The following HCN3 variants were observed in gnomAD, a reference collection of about 807,000 sequenced individuals.
HCN3 encodes the protein potassium/sodium hyperpolarization-activated cyclic nucleotide-gated channel 3.
A neutral mutation model predicts 56.8 loss-of-function variants in HCN3; 36 were observed. That is an observed-to-expected ratio of 0.63 (90% confidence interval 0.49 to 0.84). The LOEUF (loss-of-function observed/expected upper bound fraction) is 0.84. Among genes scored for constraint, HCN3 ranks in the 40% least tolerant of loss-of-function variants. The pLI is 0.00. For synonymous variants in HCN3, 425 were observed against 439.7 expected (o/e 0.97, Z 0.42); for missense variants, 930 against 1,079.3 (o/e 0.86, Z 1.94).
At chr1:155,287,644 C>T in intron 7 of HCN3, 137 bp from the exon 8 acceptor site, 1 of 1,156,870 alleles carries the variant, frequency 8.6e-7, no homozygotes, top group Non-Finnish European at 1.2e-6. Context: ...CCCCCATAGC[C>T]CCATTGCCAT....
intron 1 of HCN3, among the ~76,000 whole-genome samples, chr1:155,279,245 T>C (rs1019427797): frequency 2.0e-5 from 3 of 152,188 alleles, no homozygotes; most frequent in Non-Finnish European, 4.4e-5. Flanking sequence ...CATAGGTAAC[T>C]GAGTCCCTGA....
chr1:155,286,157 G>T (rs927986341), intron 6 of HCN3, among the ~76,000 whole-genome samples, 193 bp downstream of exon 6: 1 of 152,010 alleles, frequency 6.6e-6, no homozygotes, highest in African/African-American at 2.4e-5. Flanking sequence ...TTGTTTGTTT[G>T]TTTTTTGAGG....
At position 155,282,347 on chromosome 1, in the gene HCN3, C is replaced by T; in HGVS notation, c.279-64C>T. 1.3e-6 allele frequency: 2 copies of T among 1,486,988 alleles called. No homozygotes were observed. The highest frequency in any genetic ancestry group is 1.9e-6 in the Non-Finnish European group (2 of 1,074,620). The allele number at this position is 1,486,988 out of a possible 1,614,324, so 92.1% of individuals were successfully genotyped here. ...ATTCTTGGCCATGTCAGCCTATCTT[C>T]TGTCAGTCTAGTGGCTGGTGAAATA... On this transcript the variant is annotated intron_variant, in intron 1 of 7. Coordinates refer to ENST00000368358, the MANE Select transcript of HCN3 (RefSeq NM_020897.3). This position sits in a 1 kb window ranked among gnomAD's most constrained non-coding sequence, Gnocchi z 4.7.
chr1:155,285,432 G>A lies in HCN3; in HGVS notation c.1236+121G>A, dbSNP rs1674244081. 1 of 1,340,112 alleles carries A rather than the reference G, an allele frequency of 7.5e-7. No individual in the cohort carries two copies. Among genetic ancestry groups the A allele is most frequent in the African/African-American group, 1.5e-5 (1 of 67,936 alleles). 83.0% of individuals were successfully genotyped at this position (1,340,112 alleles called of 1,614,324 possible). On this transcript the variant is annotated intron_variant, in intron 5 of 7. Transcript: ENST00000368358. The surrounding 1 kb of genome is among the most constrained non-coding windows in gnomAD (Gnocchi z 4.5). ...ATGAGGCCTGCAGAGGGCCCCGTGG[G>A]AGGCCAGGTATTTGGGCTTTCAGGG...
Position 155,287,214 on chromosome 1 carries a change from C to T in HCN3, c.1519C>T (p.Arg507Trp), listed in dbSNP as rs746576195. The change falls in exon 7 of 8, where the codon CGG becomes TGG. Residue 507 changes from arginine (R) to tryptophan (W), a missense_variant. By Grantham distance (101) the Arg-to-Trp change is moderately radical (BLOSUM62 -3). Transcript: ENST00000368358. Reference protein sequence around the residue: ...LTRGRRTASVRADTYCRLYSL... With the variant: ...LTRGRRTASVWADTYCRLYSL... ...TAGGGGCCGGCGCACAGCCAGTGTT[C>T]GGGCTGACACCTACTGCCGCCTTTA... 1.1e-5 allele frequency: 18 copies of T among 1,613,820 alleles called. No homozygotes were observed. Among genetic ancestry groups the T allele is most frequent in the African/African-American group, 9.3e-5 (7 of 74,880 alleles).
intron 1 of HCN3, among the ~76,000 whole-genome samples, chr1:155,280,660 A>C (rs537864192): frequency 6.8e-6 from 1 of 146,850 alleles, no homozygotes. Flanking sequence ...GGATGGTCTC[A>C]ATCTCCTGAC....
At chr1:155,287,687 AC>A (rs1323298640) in intron 7 of HCN3, 93 bp from the exon 8 acceptor site, 1 of 1,446,638 alleles carries the variant, frequency 6.9e-7, no homozygotes, top group Non-Finnish European at 9.2e-7. Flanking sequence ...CCTCAACCCC[AC>A]CCCATCCTGA....
Position 155,288,321 on chromosome 1 carries a change from C to G in HCN3, c.2183C>G (p.Ser728Cys), listed in dbSNP as rs1674388191. 1 of 1,613,554 alleles carries G rather than the reference C, an allele frequency of 6.2e-7. No individual in the cohort carries two copies. The highest frequency in any genetic ancestry group is 1.7e-5 in the Admixed American group (1 of 60,002). ...SLPQRATGDGSPGRKGSGSER... is the reference protein window; with the variant it reads ...SLPQRATGDGCPGRKGSGSER... ...CCTCAGCGGGCAACAGGCGATGGCT[C>G]TCCTGGGCGTAAGGGATCAGGAAGT... is the stretch of plus-strand genomic sequence containing the variant. The change falls in exon 8 of 8, where the codon TCT (serine) becomes TGT (cysteine). Residue 728 changes from serine (S) to cysteine (C), a missense_variant. Ser to Cys is a moderately radical substitution (Grantham distance 112). Coordinates refer to ENST00000368358, the MANE Select transcript of HCN3 (RefSeq NM_020897.3). This position sits in a 1 kb window ranked among gnomAD's most constrained non-coding sequence, Gnocchi z 6.5.
chr1:155,285,407 A>G lies in HCN3; in HGVS notation c.1236+96A>G, dbSNP rs2148181848. 6.7e-7 allele frequency: 1 copy of G among 1,496,240 alleles called. No individual in the cohort carries two copies. The highest frequency in any genetic ancestry group is 1.4e-5 in the African/African-American group (1 of 72,150). The allele number at this position is 1,496,240 out of a possible 1,614,324, so 92.7% of individuals were successfully genotyped here. A position where few individuals can be genotyped will look rare whatever the true frequency, so the allele number is the denominator to read the frequency against. On this transcript the variant is annotated intron_variant, in intron 5 of 7. Coordinates refer to ENST00000368358, the MANE Select transcript of HCN3 (RefSeq NM_020897.3). This position sits in a 1 kb window ranked among gnomAD's most constrained non-coding sequence, Gnocchi z 4.5. ...TGGTCAGCAGGTGCTCCTATAGGGA[A>G]TGAGGCCTGCAGAGGGCCCCGTGGG...
Position 155,287,942 on chromosome 1 carries a change from C to T in HCN3, c.1804C>T (p.Leu602=), listed in dbSNP as rs749438103. 6.2e-7 allele frequency: 1 copy of T among 1,614,092 alleles called. No homozygotes were observed. Among genetic ancestry groups the T allele is most frequent in the South Asian group, 1.1e-5 (1 of 91,086 alleles). Residue 602 remains leucine (L), a synonymous_variant, in exon 8 of 8, where the codon CTG becomes TTG. Transcript: ENST00000368358. ...TGAQLSGKPV[L]WEPLVHAPLQ... is the part of the protein sequence containing the mutation. ...AGCTCAGCTTAGTGGAAAGCCAGTACTGTGGGAGCCACTGGTACATGCGCC... is the reference window on the plus strand; with the variant it reads ...AGCTCAGCTTAGTGGAAAGCCAGTATTGTGGGAGCCACTGGTACATGCGCC...
At chr1:155,281,579 G>C (rs924011331) in intron 1 of HCN3, among the ~76,000 whole-genome samples, 1 of 151,532 alleles carries the variant, frequency 6.6e-6, no homozygotes, top group East Asian at 1.9e-4. Context: ...ATGTTGGCCA[G>C]ATTGGTCTCA....
In HCN3 at chr1:155,282,497, A is replaced by G; in HGVS notation, c.365A>G (p.Asn122Ser). 1 of 1,614,010 alleles carries G rather than the reference A, an allele frequency of 6.2e-7. No individual in the cohort carries two copies. The highest frequency in any genetic ancestry group is 1.3e-5 in the African/African-American group (1 of 74,984). ...GGCATCACCTTCTTCAAGGAGGAGA[A>G]CTCCCCGCCTTGGATCGTCTTCAAC... ...PVGITFFKEE[N>S]SPPWIVFNVL... The change falls in exon 2 of 8, where the codon AAC (asparagine) becomes AGC (serine). Residue 122 changes from asparagine (N) to serine (S), a missense_variant. Transcript: ENST00000368358. The surrounding 1 kb of genome is among the most constrained non-coding windows in gnomAD (Gnocchi z 4.7).
At chr1:155,281,794 T>C (rs754704179) in intron 1 of HCN3, among the ~76,000 whole-genome samples, 1 of 152,040 alleles carries the variant, frequency 6.6e-6, no homozygotes, top group Non-Finnish European at 1.5e-5. Flanking sequence ...GCCATAGCTT[T>C]TCTTTTGAGA....
At position 155,282,521 on chromosome 1, in the gene HCN3, A is replaced by T. The variant is rs1553227785; in HGVS notation, c.389A>T (p.Asn130Ile). The part of the protein sequence containing the change: ...EENSPPWIVF[N>I]VLSDTFFLLD... ...AACTCCCCGCCTTGGATCGTCTTCA[A>T]CGTATTGTCTGATACTTTCTTCCTA... Residue 130 changes from asparagine to isoleucine, a missense_variant, in exon 2 of 8, where the codon AAC (asparagine) becomes ATC (isoleucine). By Grantham distance (149) the Asn-to-Ile change is moderately radical. Coordinates refer to ENST00000368358, the MANE Select transcript of HCN3 (RefSeq NM_020897.3). The surrounding 1 kb of genome is among the most constrained non-coding windows in gnomAD (Gnocchi z 4.7). The T allele has an allele frequency of 6.2e-7, 1 of 1,614,134 alleles. No individual in the cohort carries two copies.
Position 155,284,778 on chromosome 1 carries a change from G to A in HCN3, c.1089+21G>A. ...AGAAGGTCAGCAGGGACAGGAGAGG[G>A]AGGTGTGGCATGGAGGGGTGTTGGA... On this transcript the variant is annotated intron_variant, in intron 4 of 7. Coordinates refer to ENST00000368358, the MANE Select transcript of HCN3 (RefSeq NM_020897.3). The surrounding 1 kb of genome is among the most constrained non-coding windows in gnomAD (Gnocchi z 4.3). 1 of 1,598,066 alleles carries A rather than the reference G, an allele frequency of 6.3e-7. No homozygotes were observed.
At position 155,287,292 on chromosome 1, in the gene HCN3, C is replaced by T. The variant is rs1012383857; in HGVS notation, c.1597C>T (p.Arg533Cys). 12 of 1,614,016 alleles carry T rather than the reference C, an allele frequency of 7.4e-6. 1 individual carries two copies. In the Middle Eastern group the frequency reaches 6.6e-4, roughly 89 times the overall value. The change falls in exon 7 of 8, where the codon CGC (arginine) becomes TGC (cysteine). Residue 533 changes from arginine to cysteine, a missense_variant. Transcript: ENST00000368358. ...TGTGCTTGAGGAGTTCCCCATGATG[C>T]GCCGGGCCTTTGAGACTGTGGCCAT... Reference protein sequence around the residue: ...NAVLEEFPMMRRAFETVAMDR... With the variant: ...NAVLEEFPMMCRAFETVAMDR...
chr1:155,279,340 T>A (rs953902966), intron 1 of HCN3, among the ~76,000 whole-genome samples: 1 of 152,154 alleles, frequency 6.6e-6, no homozygotes, highest in African/African-American at 2.4e-5. Flanking sequence ...CACAGCAATG[T>A]CACTCACCCC....
rs368631166 is a variant in HCN3, at chr1:155,285,317, G to A, written c.1236+6G>A. The A allele has an allele frequency of 1.2e-6, 2 of 1,613,750 alleles. No individual in the cohort carries two copies. Among genetic ancestry groups the A allele is most frequent in the African/African-American group, 1.3e-5 (1 of 75,070 alleles). On this transcript the variant is annotated splice_donor_region_variant and intron_variant, in intron 5 of 7. Transcript: ENST00000368358. This position sits in a 1 kb window ranked among gnomAD's most constrained non-coding sequence, Gnocchi z 4.5. ...TGAGCGAGCCGCTTCGCGAGGTGGG[G>A]CTGGGTTGGGCCTGGAAGGGGGGCT... is the stretch of plus-strand genomic sequence containing the variant.
In HCN3 at chr1:155,287,793, C is replaced by A. The variant is rs768079554; in HGVS notation, c.1655C>A (p.Ser552Tyr). ...DRLLRIGKKN[S>Y]ILQRKRSEPS... The stretch of plus-strand genomic sequence containing the variant: ...GTACAACTTCTAGGCAAGAAGAATT[C>A]CATACTGCAGCGGAAGCGCTCCGAG... The change falls in exon 8 of 8, where the codon TCC (serine) becomes TAC (tyrosine). Residue 552 changes from serine to tyrosine, a missense_variant. By Grantham distance (144) the Ser-to-Tyr change is moderately radical. Transcript: ENST00000368358. 6.3e-7 allele frequency: 1 copy of A among 1,585,312 alleles called. No homozygotes were observed. The highest frequency in any genetic ancestry group is 1.2e-5 in the South Asian group (1 of 86,884).
Sources: allele counts gnomAD v4.1 joint callset (sites outside exome capture counted in the v4.1 genomes callset), GRCh38; gene constraint gnomAD v4.1.1; non-coding constraint Gnocchi (gnomAD v3.1); transcripts MANE v1.5; gene names NCBI Gene and HGNC (gene_info 2026-07-23, HGNC 2026-07-21).